WDR7: variants seen among roughly 807,000 people sequenced by gnomAD.
WDR7 encodes WD repeat domain 7.
WDR7 carries 46 observed loss-of-function variants against 169.4 expected under a neutral mutation model. That is an observed-to-expected ratio of 0.27 (90% CI 0.21 to 0.35). WDR7 has a LOEUF of 0.35. Among genes scored for constraint, WDR7 ranks in the 10% least tolerant of loss-of-function variants. The pLI is 1.00. For synonymous variants in WDR7, 612 were observed against 666.8 expected (o/e 0.92, Z 1.27); for missense variants, 1,534 against 1,859.3 (o/e 0.83, Z 3.22).
chr18:56,997,530 T>C (rs1463166476), intron 26 of WDR7, among the ~76,000 whole-genome samples: 1 of 152,206 alleles, frequency 6.6e-6, no homozygotes, highest in Non-Finnish European at 1.5e-5. Context: ...CTTATCTCTA[T>C]TTGGACCAAT....
chr18:56,814,130 C>T (rs2044923967), intron 19 of WDR7, among the ~76,000 whole-genome samples: 1 of 152,082 alleles, frequency 6.6e-6, no homozygotes. Context: ...ATTTAGTAGC[C>T]ATATTATGTT....
chr18:56,949,205 T>C (rs1311581908), intron 25 of WDR7, among the ~76,000 whole-genome samples: 1 of 152,140 alleles, frequency 6.6e-6, no homozygotes, highest in Non-Finnish European at 1.5e-5. Context: ...TTTCAGTCTT[T>C]AAAGTAGTGG....
rs143775546 is a variant in WDR7 at position 56,756,585 on chromosome 18, A to G, written c.1992A>G (p.Gly664=). 5 of 1,568,438 alleles carry G rather than the reference A, an allele frequency of 3.2e-6. No individual in the cohort carries two copies. Among genetic ancestry groups the G allele is most frequent in the South Asian group, 1.2e-5 (1 of 82,958 alleles). The change falls in exon 15 of 28, where the codon GGA becomes GGG. Residue 664 remains glycine (G), a splice_region_variant and synonymous_variant. Coordinates refer to ENST00000254442, the MANE Select transcript of WDR7 (RefSeq NM_015285.3). ...NLLASEASDK[G]NLPKYSHNSL... is the part of the protein sequence containing the mutation. ...TCTTTTAAAAATATTTATTACAGGG[A>G]AATTTACCTAAATATTCTCATAACT...
intron 26 of WDR7, among the ~76,000 whole-genome samples, chr18:57,014,617 A>G (rs1169801302): frequency 6.6e-6 from 1 of 151,976 alleles, no homozygotes; most frequent in Non-Finnish European, 1.5e-5. Flanking sequence ...AGATCGCGCC[A>G]TTGCACTCCA....
Position 56,833,213 on chromosome 18 carries a change from T to C in WDR7, c.3304+17069T>C, listed in dbSNP as rs538891074. The stretch of plus-strand genomic sequence containing the variant: ...GCATACACAAGTATTAGTAGCAGAA[T>C]TGGTCAAGCGGAAGAAGGCATGTCA... On this transcript the variant is annotated intron_variant, in intron 20 of 27. Coordinates refer to ENST00000254442, the MANE Select transcript of WDR7 (RefSeq NM_015285.3). 1.6e-4 allele frequency among the ~76,000 whole-genome samples: 24 copies of C among 151,786 alleles called. 1 individual carries two copies. The South Asian group carries it at 4.2e-3, about 26-fold the overall frequency.
chr18:57,009,225 G>T (rs1048586488), intron 26 of WDR7, among the ~76,000 whole-genome samples: 1 of 152,078 alleles, frequency 6.6e-6, no homozygotes, highest in Non-Finnish European at 1.5e-5. Context: ...TTGTAACTTG[G>T]TATTTCTTTA....
chr18:56,845,901 T>C (rs1174001044), intron 20 of WDR7, among the ~76,000 whole-genome samples: 1 of 152,218 alleles, frequency 6.6e-6, no homozygotes, highest in Non-Finnish European at 1.5e-5. Context: ...GCTATGTTTT[T>C]AAAAGTTGGT....
At chr18:56,853,425 C>T (rs1281456796) in intron 20 of WDR7, among the ~76,000 whole-genome samples, 1 of 152,144 alleles carries the variant, frequency 6.6e-6, no homozygotes, top group Non-Finnish European at 1.5e-5. Flanking sequence ...AGTTATCTTA[C>T]AGGCTGTTTC....
At chr18:56,975,634 A>G (rs2047554634) in intron 26 of WDR7, among the ~76,000 whole-genome samples, 1 of 152,188 alleles carries the variant, frequency 6.6e-6, no homozygotes, top group East Asian at 1.9e-4. Context: ...CATTTTTGAT[A>G]GTACCATCCC....
intron 27 of WDR7, among the ~76,000 whole-genome samples, chr18:57,025,024 G>A (rs1445356115): frequency 1.3e-5 from 2 of 152,314 alleles, no homozygotes; most frequent in Admixed American, 6.5e-5. Flanking sequence ...GAACCCAGTT[G>A]TAATGGCCTT....
chr18:56,725,380 G>A (rs569627784), intron 13 of WDR7, among the ~76,000 whole-genome samples: 1 of 151,734 alleles, frequency 6.6e-6, no homozygotes, highest in East Asian at 1.9e-4. Context: ...TTGTGGTTTT[G>A]ATTTGCATTT....
At chr18:57,001,134 T>A (rs1232192443) in intron 26 of WDR7, among the ~76,000 whole-genome samples, 1 of 149,224 alleles carries the variant, frequency 6.7e-6, no homozygotes, top group Non-Finnish European at 1.5e-5. Flanking sequence ...TTAAGAATGG[T>A]TTGGACAAGC....
chr18:57,018,242 G>A (rs2048235277), intron 26 of WDR7, among the ~76,000 whole-genome samples: 3 of 152,244 alleles, frequency 2.0e-5, no homozygotes, highest in Admixed American at 2.0e-4. Flanking sequence ...TCTACACAGA[G>A]TTGGGCTTTG....
At chr18:56,902,027 G>A (rs1271447358) in intron 21 of WDR7, among the ~76,000 whole-genome samples, 1 of 152,152 alleles carries the variant, frequency 6.6e-6, no homozygotes, top group Non-Finnish European at 1.5e-5. Flanking sequence ...GGCTTGTTAA[G>A]CTCAAGCTCA....
At chr18:56,969,788 T>G (rs2047458004) in intron 26 of WDR7, among the ~76,000 whole-genome samples, 1 of 152,242 alleles carries the variant, frequency 6.6e-6, no homozygotes, top group Non-Finnish European at 1.5e-5. Flanking sequence ...TCATATTTGT[T>G]GCTCAAAATA....
intron 14 of WDR7, among the ~76,000 whole-genome samples, chr18:56,750,166 C>G (rs781428528): frequency 5.3e-5 from 8 of 152,138 alleles, no homozygotes. Flanking sequence ...GTCACAGGTT[C>G]ACTTTCAGCA....
At chr18:57,018,560 T>A (rs1437066) in intron 26 of WDR7, among the ~76,000 whole-genome samples, 1 of 152,074 alleles carries the variant, frequency 6.6e-6, no homozygotes, top group Admixed American at 6.5e-5. Context: ...CCCAGTATTG[T>A]CCGATCCTCC....
intron 23 of WDR7, chr18:56,936,280 TCTAA>T (rs1325355522): frequency 1.2e-5 from 2 of 167,628 alleles, no homozygotes; most frequent in East Asian, 3.4e-4. Context: ...GTACTGGCTC[TCTAA>T]CTGTAAACGA....
intron 21 of WDR7, among the ~76,000 whole-genome samples, chr18:56,906,544 CTT>C (rs71171005): frequency 2.0e-3 from 238 of 119,420 alleles, no homozygotes; most frequent in South Asian, 4.3e-3. Flanking sequence ...TTCTTTCCTT[CTT>C]TTTTTTTTTT....
Sources: gnomAD v4.1 joint callset for allele counts (sites outside exome capture counted in the v4.1 genomes callset) on GRCh38, gnomAD v4.1.1 for gene constraint, MANE v1.5 for transcripts, NCBI Gene and HGNC (gene_info 2026-07-23, HGNC 2026-07-21) for gene names.